Variants in NCEH1 observed in about 807,000 individuals in gnomAD.
NCEH1 encodes 2-acetyl MAGE hydrolase.
Under a neutral mutation model 25.4 loss-of-function variants are expected in NCEH1, and 9 were observed. The ratio of observed to expected loss-of-function variants is 0.35; its 90% confidence interval spans 0.21 to 0.62. The LOEUF (loss-of-function observed/expected upper bound fraction) is 0.62, where lower values mean the gene tolerates loss of function less well. NCEH1 is among the 20% of genes least tolerant of loss of function. The pLI, the probability that NCEH1 is intolerant of heterozygous loss-of-function variation, is 0.72. For synonymous variants in NCEH1, 200 were observed against 199.8 expected, an observed-to-expected ratio of 1.00 and a Z score of -0.01; for missense variants, 412 against 501.1, an observed-to-expected ratio of 0.82 and a Z score of 1.70.
chr3:172,676,702 G>C (rs1448716390), intron 1 of NCEH1, among the ~76,000 whole-genome samples: 1 of 151,954 alleles, frequency 6.6e-6, no homozygotes, highest in Non-Finnish European at 1.5e-5. Context: ...TACTCCACAC[G>C]TGTCTGTGTC....
chr3:172,675,040 T>C (rs958438876), intron 1 of NCEH1, among the ~76,000 whole-genome samples: 1 of 152,232 alleles, frequency 6.6e-6, no homozygotes, highest in African/African-American at 2.4e-5. Flanking sequence ...CCAGGTGCGA[T>C]GGCTCATGCC....
chr3:172,701,855 A>G (rs1713713916), intron 1 of NCEH1, among the ~76,000 whole-genome samples: 1 of 152,096 alleles, frequency 6.6e-6, no homozygotes, highest in South Asian at 2.1e-4. Context: ...CTCTGCTAGA[A>G]GACTGTCAGT....
chr3:172,642,588 A>G (rs1198033910), intron 3 of NCEH1, among the ~76,000 whole-genome samples: 2 of 130,092 alleles, frequency 1.5e-5, no homozygotes, highest in Non-Finnish European at 3.1e-5. Context: ...AAGGATTACT[A>G]TCTTGCTATT....
intron 1 of NCEH1, among the ~76,000 whole-genome samples, chr3:172,664,627 A>G (rs1223464469): frequency 6.6e-6 from 1 of 152,174 alleles, no homozygotes; most frequent in East Asian, 1.9e-4. Context: ...CTTTTCACAT[A>G]GTCCCATATT....
chr3:172,675,385 G>A (rs1176150651), intron 1 of NCEH1, among the ~76,000 whole-genome samples: 1 of 151,324 alleles, frequency 6.6e-6, no homozygotes, highest in East Asian at 1.9e-4. Context: ...CATGGCTCAT[G>A]TATACCTATG....
chr3:172,655,529 G>A (rs571619671), intron 1 of NCEH1, among the ~76,000 whole-genome samples: 1 of 152,268 alleles, frequency 6.6e-6, no homozygotes, highest in Admixed American at 6.5e-5. Flanking sequence ...AGAGAGTTGG[G>A]GAAAGGCAAA....
chr3:172,652,362 T>C (rs930991025), intron 1 of NCEH1, among the ~76,000 whole-genome samples: 1 of 152,220 alleles, frequency 6.6e-6, no homozygotes, highest in African/African-American at 2.4e-5. Flanking sequence ...GCTAATGGAT[T>C]TGAAAGATCT....
At chr3:172,705,286 A>G (rs1713910947) in intron 1 of NCEH1, among the ~76,000 whole-genome samples, 1 of 152,192 alleles carries the variant, frequency 6.6e-6, no homozygotes, top group African/African-American at 2.4e-5. Context: ...AGCTGATAGC[A>G]ATAACCTAAG....
In NCEH1 at chr3:172,652,541, C is replaced by T. The variant is rs111619065; in HGVS notation, c.139-4427G>A. Among the ~76,000 whole-genome samples the T allele has an allele frequency of 2.4e-3, 360 of 152,266 alleles. 5 individuals carry two copies. Among genetic ancestry groups the T allele is most frequent in the African/African-American group, 7.9e-3 (328 of 41,550 alleles). On this transcript the variant is annotated intron_variant, in intron 1 of 4. Transcript: ENST00000475381. ...AGATCCTCCAAAACCTAAAAGCAAA[C>T]AGTGATGAGTGGGAATTCCTAAACT...
Position 172,633,888 on chromosome 3 carries a change from T to A in NCEH1, c.814A>T (p.Thr272Ser), listed in dbSNP as rs1204056748. ...FVQAMIVNNH[T>S]SLDVEEAAAV... is the part of the protein sequence containing the mutation. Reference sequence around the variant, plus strand: ...GCAGCCTCTTCCACATCAAGTGAAGTGTGATTGTTAACGATCATTGCCTGC... The same window carrying A: ...GCAGCCTCTTCCACATCAAGTGAAGAGTGATTGTTAACGATCATTGCCTGC... The change falls in exon 5 of 5, where the codon ACT becomes TCT. Residue 272 changes from threonine to serine, a missense_variant. This residue lies in a region of NCEH1 where 210 missense variants were observed against 258.2 expected (regional missense o/e 0.81). Coordinates refer to ENST00000475381, the MANE Select transcript of NCEH1 (RefSeq NM_020792.6). 1 of 1,614,218 alleles carries A rather than the reference T, an allele frequency of 6.2e-7. No homozygotes were observed. The highest frequency in any genetic ancestry group is 8.5e-7 in the Non-Finnish European group (1 of 1,180,022).
At chr3:172,696,873 C>T (rs1361616918) in intron 1 of NCEH1, among the ~76,000 whole-genome samples, 9 of 152,262 alleles carry the variant, frequency 5.9e-5, no homozygotes, top group South Asian at 2.1e-4. Flanking sequence ...TCCTGATTAA[C>T]TCTGTTAAAC....
intron 3 of NCEH1, among the ~76,000 whole-genome samples, chr3:172,641,664 T>C (rs547251584): frequency 1.6e-4 from 25 of 152,184 alleles, no homozygotes; most frequent in Non-Finnish European, 1.9e-4. Context: ...TCCTAAAGAC[T>C]CTTGGAATCA....
At chr3:172,653,733 CTGTTT>C (rs1215555683) in intron 1 of NCEH1, among the ~76,000 whole-genome samples, 2 of 89,620 alleles carry the variant, frequency 2.2e-5, no homozygotes, top group African/African-American at 4.6e-5. Flanking sequence ...TGTTGTTGTT[CTGTTT>C]TTTTTGTTTT....
chr3:172,633,989 A>T lies in NCEH1; in HGVS notation c.713T>A (p.Val238Glu). The change falls in exon 5 of 5, where the codon GTG becomes GAG. Residue 238 changes from valine to glutamate, a missense_variant. Coordinates refer to ENST00000475381, the MANE Select transcript of NCEH1 (RefSeq NM_020792.6). ...DFNTPSYQQN[V>E]NTPILPRYVM... Reference sequence around the variant, plus strand: ...ATAGCGGGGCAGGATTGGGGTGTTCACATTTTGCTGATAAGATGGTGTGTT... The same window carrying T: ...ATAGCGGGGCAGGATTGGGGTGTTCTCATTTTGCTGATAAGATGGTGTGTT... 1 of 1,614,228 alleles carries T rather than the reference A, an allele frequency of 6.2e-7. No individual in the cohort carries two copies. Among genetic ancestry groups the T allele is most frequent in the Non-Finnish European group, 8.5e-7 (1 of 1,180,034 alleles).
intron 1 of NCEH1, among the ~76,000 whole-genome samples, chr3:172,705,236 C>G (rs190358065): frequency 2.6e-5 from 4 of 152,236 alleles, no homozygotes; most frequent in Admixed American, 2.0e-4. Context: ...CTCGAACTCC[C>G]GACCTCAAGT....
chr3:172,665,554 G>C (rs1042510238), intron 1 of NCEH1, among the ~76,000 whole-genome samples: 2 of 152,208 alleles, frequency 1.3e-5, no homozygotes, highest in Non-Finnish European at 2.9e-5. Context: ...AGAAGTTTCT[G>C]CTGCCTTTTG....
At chr3:172,701,274 C>T (rs924839140) in intron 1 of NCEH1, among the ~76,000 whole-genome samples, 2 of 152,058 alleles carry the variant, frequency 1.3e-5, no homozygotes, top group Non-Finnish European at 2.9e-5. Flanking sequence ...GGGTCATGGT[C>T]CCCATTCACC....
intron 1 of NCEH1, among the ~76,000 whole-genome samples, chr3:172,660,358 C>A (rs530780332): frequency 1.3e-5 from 2 of 152,180 alleles, no homozygotes; most frequent in African/African-American, 4.8e-5. Context: ...GCCACATTTT[C>A]TTAATCCAGT....
At chr3:172,668,237 G>A (rs1718312396) in intron 1 of NCEH1, among the ~76,000 whole-genome samples, 1 of 151,854 alleles carries the variant, frequency 6.6e-6, no homozygotes, top group Admixed American at 6.6e-5. Context: ...AAGCAGGTAG[G>A]GAAAGTGAAA....
Sources: allele counts gnomAD v4.1 joint callset (sites outside exome capture counted in the v4.1 genomes callset), GRCh38; gene constraint gnomAD v4.1.1; regional missense constraint gnomAD v4.1.1; transcripts MANE v1.5; gene names NCBI Gene and HGNC (gene_info 2026-07-23, HGNC 2026-07-21).